DHX16: variants seen among roughly 807,000 people sequenced by gnomAD.
DHX16 encodes the protein DEAH-box helicase 16.
A neutral mutation model predicts 131.2 loss-of-function variants in DHX16; 81 were observed. That is an observed-to-expected ratio of 0.62 (90% CI 0.52 to 0.74). The LOEUF is 0.74. DHX16 is among the 30% of genes least tolerant of loss of function. The pLI is 0.00. For missense variants in DHX16, 980 were observed against 1,363.1 expected (o/e 0.72, Z 4.43); for synonymous variants, 440 against 520.2 (o/e 0.85, Z 2.10).
chr6:30,664,724 A>G (rs1169898713), intron 7 of DHX16, 77 bp downstream of exon 7: 1 of 1,316,854 alleles, frequency 7.6e-7, no homozygotes, highest in Non-Finnish European at 1.1e-6. Context: ...TAAAAATATA[A>G]TGTAAAAGGA....
intron 16 of DHX16, among the ~76,000 whole-genome samples, chr6:30,655,840 G>A (rs146093440): frequency 5.0e-4 from 76 of 152,290 alleles, no homozygotes; most frequent in East Asian, 1.3e-3. Context: ...AGGAAACACC[G>A]GGGAATTCTG....
rs1431269524 is a variant in DHX16 at position 30,656,752 on chromosome 6, G to A, written c.2156C>T (p.Ala719Val). Residue 719 changes from alanine (A) to valine (V), a missense_variant, in exon 14 of 20, where the codon GCC (alanine) becomes GTC (valine). Physicochemically the swap from Ala to Val is moderately conservative, Grantham distance 64. Transcript: ENST00000376442. This position sits in a 1 kb window ranked among gnomAD's most constrained non-coding sequence, Gnocchi z 5.1. ...ACCTGCCCTGCCAGCTCGCTGATTG[G>A]CTGAGGCCTGGAAAGAAAGGGGAAC... is the stretch of plus-strand genomic sequence containing the variant. ...LTVTPCSKAS[A>V]NQRAGRAGRV... The A allele has an allele frequency of 1.2e-6, 2 of 1,612,222 alleles. No homozygotes were observed. Among genetic ancestry groups the A allele is most frequent in the South Asian group, 1.1e-5 (1 of 91,082 alleles).
Position 30,655,474 on chromosome 6 carries a change from A to T in DHX16, c.2622T>A (p.Pro874=), listed in dbSNP as rs777547507. The change falls in exon 17 of 20, where the codon CCT becomes CCA. Residue 874 remains proline (P), a synonymous_variant. Coordinates refer to ENST00000376442, the MANE Select transcript of DHX16 (RefSeq NM_003587.5). ...ADNARVNFFL[P]GGDHLVLLNV... ...TTAGCAGAACCAGGTGGTCACCGCC[A>T]GGGAGAAAGAAGTTGACACGGGCAT... is the stretch of plus-strand genomic sequence containing the variant. The T allele has an allele frequency of 1.1e-5, 17 of 1,613,388 alleles. No homozygotes were observed. The highest frequency in any genetic ancestry group is 1.1e-5 in the Non-Finnish European group (13 of 1,180,046).
intron 12 of DHX16, among the ~76,000 whole-genome samples, chr6:30,658,478 G>C (rs112777953): frequency 9.2e-5 from 14 of 151,852 alleles, no homozygotes; most frequent in Non-Finnish European, 1.8e-4. Context: ...GTGAGGCAGA[G>C]GTTGCAGTGA....
chr6:30,653,458 A>T, intron 19 of DHX16, 88 bp from the exon 20 acceptor site: 1 of 1,440,604 alleles, frequency 6.9e-7, no homozygotes, highest in Non-Finnish European at 9.2e-7. Flanking sequence ...ATTGAAACAG[A>T]GTCTTGCTCT....
intron 9 of DHX16, chr6:30,661,718 C>T: frequency 1.4e-6 from 1 of 715,594 alleles, no homozygotes; most frequent in Non-Finnish European, 2.6e-6. Context: ...CCCATCTTCC[C>T]CTACCCACCT....
rs750760587 is a variant in DHX16 at position 30,670,497 on chromosome 6, G to A, written c.610-31C>T. On this transcript the variant is annotated intron_variant, in intron 3 of 19. Coordinates refer to ENST00000376442, the MANE Select transcript of DHX16 (RefSeq NM_003587.5). This position sits in a 1 kb window ranked among gnomAD's most constrained non-coding sequence, Gnocchi z 4.4. ...AGAAAAAACAAGAATGGAGGGGTGT[G>A]AGGCCAAAGAGCCCCCACACTGACA... The A allele has an allele frequency of 6.2e-7, 1 of 1,601,408 alleles. No homozygotes were observed. The highest frequency in any genetic ancestry group is 1.7e-5 in the Admixed American group (1 of 59,288).
Position 30,659,483 on chromosome 6 carries a change from C to T in DHX16, c.1996G>A (p.Gly666Arg), listed in dbSNP as rs953836605. 5 of 1,594,964 alleles carry T rather than the reference C, an allele frequency of 3.1e-6. No homozygotes were observed. Among genetic ancestry groups the T allele is most frequent in the Admixed American group, 3.5e-5 (2 of 56,764 alleles). Reference protein sequence around the residue: ...QARIFQPTPPGARKVVVATNI... With the variant: ...QARIFQPTPPRARKVVVATNI... ...TTTCTCCAACTGACCTTTCGTGCCCCAGGTGGTGTGGGCTGGAAGATACGG... is the reference window on the plus strand; with the variant it reads ...TTTCTCCAACTGACCTTTCGTGCCCTAGGTGGTGTGGGCTGGAAGATACGG... Residue 666 changes from glycine to arginine, a missense_variant, in exon 12 of 20, where the codon GGG becomes AGG. By Grantham distance (125) the Gly-to-Arg change is moderately radical. Coordinates refer to ENST00000376442, the MANE Select transcript of DHX16 (RefSeq NM_003587.5).
chr6:30,660,524 C>T (rs1454952023), intron 9 of DHX16: 2 of 368,620 alleles, frequency 5.4e-6, no homozygotes, highest in Non-Finnish European at 9.7e-6. Context: ...TAGCCATACC[C>T]TCTAGTTCAG....
At chr6:30,666,040 T>C (rs1168180737) in intron 4 of DHX16, among the ~76,000 whole-genome samples, 13 of 152,196 alleles carry the variant, frequency 8.5e-5, no homozygotes. Context: ...GCTTATATTT[T>C]ACTCTTGCCA....
At position 30,662,532 on chromosome 6, in the gene DHX16, C is replaced by A; in HGVS notation, c.1544+95G>T. On this transcript the variant is annotated intron_variant, in intron 9 of 19. Transcript: ENST00000376442. This position sits in a 1 kb window ranked among gnomAD's most constrained non-coding sequence, Gnocchi z 4.7. ...GAGGTCAGTTCAAGGACCATTTGAA[C>A]CACAAAGATTCAAGAACGGGTGGAT... 1 of 1,072,782 alleles carries A rather than the reference C, an allele frequency of 9.3e-7. No homozygotes were observed. Among genetic ancestry groups the A allele is most frequent in the African/African-American group, 1.6e-5 (1 of 64,380 alleles). The allele number at this position is 1,072,782 out of a possible 1,614,324, so 66.5% of individuals were successfully genotyped here.
intron 7 of DHX16, among the ~76,000 whole-genome samples, chr6:30,664,023 CA>C (rs932337444): frequency 6.9e-6 from 1 of 145,184 alleles, no homozygotes; most frequent in Non-Finnish European, 1.5e-5. Context: ...GACTCCACCT[CA>C]AAAAAAAACA....
rs950928143 is a variant in DHX16 at position 30,665,155 on chromosome 6, G to A, written c.1041C>T (p.Ala347=). The stretch of plus-strand genomic sequence containing the variant: ...CCAGTTGATACTTGGGCTCCTGAGA[G>A]GCAGCATCTCGGGCCCCAAACTTCA... ...ASLKFGARDA[A]SQEPKYQLVL... Residue 347 remains alanine, a synonymous_variant, in exon 6 of 20, where the codon GCC becomes GCT. Transcript: ENST00000376442. The surrounding 1 kb of genome is among the most constrained non-coding windows in gnomAD (Gnocchi z 4.8). The A allele has an allele frequency of 6.2e-7, 1 of 1,613,576 alleles. No homozygotes were observed. The highest frequency in any genetic ancestry group is 1.3e-5 in the African/African-American group (1 of 74,878).
intron 9 of DHX16, among the ~76,000 whole-genome samples, chr6:30,661,385 T>C (rs190045283): frequency 6.6e-6 from 1 of 152,208 alleles, no homozygotes; most frequent in Admixed American, 6.5e-5. Context: ...TCCCGGCTGA[T>C]ACGTTTTAAA....
At chr6:30,668,866 G>A (rs911017708) in intron 4 of DHX16, among the ~76,000 whole-genome samples, 1 of 152,166 alleles carries the variant, frequency 6.6e-6, no homozygotes, top group African/African-American at 2.4e-5. Context: ...AGCACTTTGG[G>A]AGGCCGAGGC....
At chr6:30,671,297 G>C (rs760608257) in intron 1 of DHX16, 23 bp from the exon 2 acceptor site, 2 of 1,607,062 alleles carry the variant, frequency 1.2e-6, no homozygotes, top group Admixed American at 3.4e-5. Context: ...GGGAAGATAA[G>C]GAGGTCTGAG....
Position 30,660,021 on chromosome 6 carries a change from T to A in DHX16, c.1755+11A>T. 6.2e-7 allele frequency: 1 copy of A among 1,611,750 alleles called. No individual in the cohort carries two copies. The highest frequency in any genetic ancestry group is 8.5e-7 in the Non-Finnish European group (1 of 1,179,050). Reference sequence around the variant, plus strand: ...GCCACAGACTTAAGCCCATCCTCCCTGAGGGGGCACCTTGGTGTAGAAGAT... The same window carrying A: ...GCCACAGACTTAAGCCCATCCTCCCAGAGGGGGCACCTTGGTGTAGAAGAT... On this transcript the variant is annotated intron_variant, in intron 10 of 19. Coordinates refer to ENST00000376442, the MANE Select transcript of DHX16 (RefSeq NM_003587.5).
chr6:30,672,408 G>A (rs1390762162), intron 1 of DHX16, among the ~76,000 whole-genome samples: 2 of 151,960 alleles, frequency 1.3e-5, no homozygotes, highest in African/African-American at 4.8e-5. Flanking sequence ...AACCTTGGAT[G>A]CATGTTAAGA....
intron 10 of DHX16, 79 bp downstream of exon 10, chr6:30,659,953 T>A: frequency 6.4e-7 from 1 of 1,558,818 alleles, no homozygotes; most frequent in Non-Finnish European, 8.8e-7. Context: ...CATTCCATCT[T>A]TCCCTCCACA....
Sources: gnomAD v4.1 joint callset for allele counts (sites outside exome capture counted in the v4.1 genomes callset) on GRCh38, gnomAD v4.1.1 for gene constraint, Gnocchi (gnomAD v3.1) non-coding constraint, MANE v1.5 for transcripts, NCBI Gene and HGNC (gene_info 2026-07-23, HGNC 2026-07-21) for gene names.